SRGAP3: variants seen among roughly 807,000 people sequenced by gnomAD.
SRGAP3 encodes SLIT-ROBO Rho GTPase-activating protein 3.
Under a neutral mutation model 121.1 loss-of-function variants are expected in SRGAP3, and 39 were observed. The ratio of observed to expected loss-of-function variants is 0.32; its 90% CI spans 0.25 to 0.42. SRGAP3 has a LOEUF of 0.42. SRGAP3 is among the 10% of genes least tolerant of loss of function. SRGAP3 has a pLI of 1.00. For synonymous variants in SRGAP3, 601 were observed against 570.0 expected (o/e 1.05, Z -0.77); for missense variants, 1,213 against 1,470.6 (o/e 0.82, Z 2.86).
chr3:9,316,774 T>C (rs1393573771), intron 3 of SRGAP3, among the ~76,000 whole-genome samples: 1 of 152,234 alleles, frequency 6.6e-6, no homozygotes, highest in African/African-American at 2.4e-5. Flanking sequence ...AGAAATCAAC[T>C]ATCCAAGCAA....
At chr3:9,344,549 C>A (rs974362576) in intron 1 of SRGAP3, among the ~76,000 whole-genome samples, 2 of 152,138 alleles carry the variant, frequency 1.3e-5, no homozygotes, top group Admixed American at 1.3e-4. Flanking sequence ...AGGAGAATTG[C>A]TTGGAGCCGG....
chr3:9,322,043 G>GGA (rs1955446289), intron 3 of SRGAP3, among the ~76,000 whole-genome samples: 1 of 151,702 alleles, frequency 6.6e-6, no homozygotes, highest in Non-Finnish European at 1.5e-5. Flanking sequence ...AAGTAGGATA[G>GGA]GAGAGGAAGC....
At chr3:9,147,123 G>A (rs191372064) in intron 1 of SRGAP3, among the ~76,000 whole-genome samples, 48 of 152,312 alleles carry the variant, frequency 3.2e-4, no homozygotes, top group African/African-American at 1.1e-3. Flanking sequence ...AAGATGAGGA[G>A]GCTGAAGTTC....
intron 3 of SRGAP3, among the ~76,000 whole-genome samples, chr3:9,304,693 T>TC (rs1478991111): frequency 6.6e-6 from 1 of 152,106 alleles, no homozygotes; most frequent in Admixed American, 6.5e-5. Flanking sequence ...CACTAGGACC[T>TC]CCCCAAAACC....
chr3:9,135,963 C>T (rs1017556014), intron 1 of SRGAP3, among the ~76,000 whole-genome samples: 2 of 152,232 alleles, frequency 1.3e-5, no homozygotes, highest in Non-Finnish European at 2.9e-5. Context: ...TGGGGCACTG[C>T]AGGGACGCAA....
At chr3:9,040,187 A>T (rs897288545) in intron 10 of SRGAP3, among the ~76,000 whole-genome samples, 1 of 152,228 alleles carries the variant, frequency 6.6e-6, no homozygotes, top group Admixed American at 6.5e-5. Flanking sequence ...TTGCCTCAGC[A>T]GCCAAGCAAT....
At chr3:9,077,635 G>A (rs1947033569) in intron 4 of SRGAP3, among the ~76,000 whole-genome samples, 1 of 152,218 alleles carries the variant, frequency 6.6e-6, no homozygotes, top group Non-Finnish European at 1.5e-5. Context: ...TGGGGCCTCA[G>A]CCACCCTGCC....
rs557097351 is a variant in SRGAP3 at position 9,027,239 on chromosome 3, G to C, written c.1540-244C>G. Among the ~76,000 whole-genome samples, 6 of 152,338 alleles carry C rather than the reference G, an allele frequency of 3.9e-5. No individual in the cohort carries two copies. In the South Asian group the frequency reaches 1.2e-3, roughly 32 times the overall value. ...AAATGCTCTTCTTCTTACCCAACTGGAAAGGAACCTGGGCTCAGGAGGCCT... is the reference window on the plus strand; with the variant it reads ...AAATGCTCTTCTTCTTACCCAACTGCAAAGGAACCTGGGCTCAGGAGGCCT... On this transcript the variant is annotated intron_variant, in intron 12 of 21. Transcript: ENST00000383836.
intron 3 of SRGAP3, among the ~76,000 whole-genome samples, chr3:9,275,900 T>C (rs1452624623): frequency 1.3e-5 from 2 of 151,964 alleles, no homozygotes; most frequent in African/African-American, 2.4e-5. Flanking sequence ...AATCTACTGC[T>C]AAAAAAATAA....
At chr3:9,214,786 A>G (rs917278548) in intron 1 of SRGAP3, among the ~76,000 whole-genome samples, 1 of 152,250 alleles carries the variant, frequency 6.6e-6, no homozygotes, top group East Asian at 1.9e-4. Context: ...TGAAAAAGGC[A>G]GTATCTCTAT....
intron 3 of SRGAP3, among the ~76,000 whole-genome samples, chr3:9,316,489 T>C (rs573191613): frequency 9.2e-5 from 14 of 152,134 alleles, no homozygotes; most frequent in African/African-American, 3.4e-4. Flanking sequence ...AAACCCCGTC[T>C]CTACTAAAAA....
intron 1 of SRGAP3, among the ~76,000 whole-genome samples, chr3:9,143,647 T>C (rs1949933428): frequency 1.3e-5 from 2 of 152,154 alleles, no homozygotes; most frequent in African/African-American, 4.8e-5. Flanking sequence ...TTTGAAAGGT[T>C]GGGGTGCACT....
intron 17 of SRGAP3, among the ~76,000 whole-genome samples, chr3:9,010,920 T>A (rs998142445): frequency 6.6e-6 from 1 of 152,222 alleles, no homozygotes; most frequent in Non-Finnish European, 1.5e-5. Context: ...ATGGGCATAG[T>A]GGCTGAGTAA....
intron 1 of SRGAP3, among the ~76,000 whole-genome samples, chr3:9,237,716 T>C (rs1356487578): frequency 1.3e-5 from 2 of 152,266 alleles, no homozygotes; most frequent in East Asian, 3.9e-4. Context: ...CATGACTGGA[T>C]AGAATGACAA....
intron 2 of SRGAP3, among the ~76,000 whole-genome samples, chr3:9,121,874 G>A: frequency 6.6e-6 from 1 of 152,186 alleles, no homozygotes; most frequent in African/African-American, 2.4e-5. Context: ...GGCTCCAGTG[G>A]CCATTCAGCC....
intron 3 of SRGAP3, among the ~76,000 whole-genome samples, chr3:9,279,888 T>A (rs149030882): frequency 1.0e-3 from 156 of 152,226 alleles, no homozygotes; most frequent in Admixed American, 1.6e-3. Flanking sequence ...AATGGACACA[T>A]GACAGGGCAA....
At position 9,038,050 on chromosome 3, in the gene SRGAP3, C is replaced by T; in HGVS notation, c.1436+13G>A. On this transcript the variant is annotated intron_variant, in intron 11 of 21. Transcript: ENST00000383836. ...GCAGCAGATGAAAGAAAACACAACT[C>T]TCCCACTCTCACCTGGTGGTGCCGC... 6.2e-7 allele frequency: 1 copy of T among 1,614,222 alleles called. No homozygotes were observed. Among genetic ancestry groups the T allele is most frequent in the Non-Finnish European group, 8.5e-7 (1 of 1,180,032 alleles).
At chr3:8,994,066 G>A (rs953114215) in intron 19 of SRGAP3, 3 of 483,100 alleles carry the variant, frequency 6.2e-6, no homozygotes, top group African/African-American at 5.9e-5. Flanking sequence ...AGCCCTGGTG[G>A]GTGATGGCAC....
At chr3:9,273,648 C>T (rs1574962972) in intron 3 of SRGAP3, among the ~76,000 whole-genome samples, 1 of 152,146 alleles carries the variant, frequency 6.6e-6, no homozygotes, top group East Asian at 1.9e-4. Context: ...GTGTCATAGC[C>T]AAGAAATCAC....
Sources: allele counts gnomAD v4.1 joint callset (sites outside exome capture counted in the v4.1 genomes callset), GRCh38; gene constraint gnomAD v4.1.1; transcripts MANE v1.5; gene names NCBI Gene and HGNC (gene_info 2026-07-23, HGNC 2026-07-21).